The following THADA variants were observed in gnomAD, a reference collection of about 807,000 sequenced individuals.
The protein encoded by THADA is tRNA (32-2'-O)-methyltransferase regulator THADA.
Under a neutral mutation model 219.8 loss-of-function variants are expected in THADA, and 213 were observed. The ratio of observed to expected loss-of-function variants is 0.97; its 90% CI spans 0.87 to 1.09. The LOEUF (loss-of-function observed/expected upper bound fraction) is 1.09, where lower values mean the gene tolerates loss of function less well. Ranked by LOEUF, THADA falls within the 50% of genes least tolerant of loss-of-function variation. The pLI, the probability that THADA is intolerant of heterozygous loss-of-function variation, is 0.00. For synonymous variants in THADA, 1,018 were observed against 828.9 expected (o/e 1.23, Z -3.92); for missense variants, 2,956 against 2,311.3 (o/e 1.28, Z -5.72).
intron 26 of THADA, among the ~76,000 whole-genome samples, chr2:43,435,213 G>T (rs954375948): frequency 1.3e-5 from 2 of 152,184 alleles, no homozygotes; most frequent in Non-Finnish European, 2.9e-5. Context: ...CGAGCACTTT[G>T]GGAGGCCCAG....
chr2:43,243,760 A>T (rs2104079116), intron 36 of THADA, among the ~76,000 whole-genome samples: 1 of 152,242 alleles, frequency 6.6e-6, no homozygotes, highest in East Asian at 1.9e-4. Context: ...TTTTAAAACT[A>T]CTTGAGAGAA....
chr2:43,317,890 T>C (rs1678255882), intron 31 of THADA, among the ~76,000 whole-genome samples: 3 of 152,220 alleles, frequency 2.0e-5, no homozygotes, highest in Admixed American at 2.0e-4. Context: ...ACATTCTTCA[T>C]CATTAATAAT....
chr2:43,369,003 G>T (rs1670496954), intron 29 of THADA, among the ~76,000 whole-genome samples: 1 of 152,172 alleles, frequency 6.6e-6, no homozygotes, highest in African/African-American at 2.4e-5. Context: ...ATGTCATGAG[G>T]CCCAAGAGTT....
intron 26 of THADA, among the ~76,000 whole-genome samples, chr2:43,452,598 T>A (rs1682479622): frequency 6.6e-6 from 1 of 152,126 alleles, no homozygotes; most frequent in Non-Finnish European, 1.5e-5. Flanking sequence ...CCAAAGAAGT[T>A]CATGTGTCCC....
intron 26 of THADA, among the ~76,000 whole-genome samples, chr2:43,433,349 G>C (rs747500386): frequency 6.6e-6 from 1 of 152,076 alleles, no homozygotes; most frequent in Non-Finnish European, 1.5e-5. Context: ...GACCAACACG[G>C]AGAAACTGTC....
rs1686764384 is a variant in THADA at position 43,485,213 on chromosome 2, T to G, written c.3836+21A>C. On this transcript the variant is annotated intron_variant, in intron 26 of 37. Coordinates refer to ENST00000405975, the MANE Select transcript of THADA (RefSeq NM_022065.5). ...ATTGTATTTTTTAAAAAAAGTAAAG[T>G]TAGCCTTAAATGGAGCTTACCTATT... is the stretch of plus-strand genomic sequence containing the variant. The G allele has an allele frequency of 8.2e-6, 13 of 1,576,600 alleles. No individual in the cohort carries two copies. The Admixed American group carries it at 1.9e-4, about 23-fold the overall frequency.
rs972695325 is a variant in THADA at position 43,521,215 on chromosome 2, G to A, written c.3374+6664C>T. ...AGGAAAGAGGGAAGGAAAGAGGGCA[G>A]GAGGGCAGGCAGACAAGAAGGCAGG... On this transcript the variant is annotated intron_variant, in intron 22 of 37. Coordinates refer to ENST00000405975, the MANE Select transcript of THADA (RefSeq NM_022065.5). Among the ~76,000 whole-genome samples, 5 of 151,776 alleles carry A rather than the reference G, an allele frequency of 3.3e-5. No homozygotes were observed. In the South Asian group the frequency reaches 8.4e-4, roughly 25 times the overall value.
At chr2:43,515,204 TATAA>T (rs1691412498) in intron 22 of THADA, among the ~76,000 whole-genome samples, 2 of 69,574 alleles carry the variant, frequency 2.9e-5, no homozygotes, top group Non-Finnish European at 5.0e-5. Flanking sequence ...ATATATAATA[TATAA>T]TATATAATAT....
intron 36 of THADA, among the ~76,000 whole-genome samples, chr2:43,240,392 G>A (rs1246303426): frequency 2.0e-5 from 3 of 152,140 alleles, no homozygotes; most frequent in African/African-American, 4.8e-5. Flanking sequence ...CTCCATGGTC[G>A]TCTTCACTTC....
rs1008568344 is a variant in THADA at position 43,372,869 on chromosome 2, A to G, written c.4227+25102T>C. On this transcript the variant is annotated intron_variant, in intron 29 of 37. Transcript: ENST00000405975. Reference sequence around the variant, plus strand: ...GGTGTGCGCCACCACACCTTCGCTAATTTTTTGTATCTTTAGTAGAGACGA... The same window carrying G: ...GGTGTGCGCCACCACACCTTCGCTAGTTTTTTGTATCTTTAGTAGAGACGA... Among the ~76,000 whole-genome samples the G allele has an allele frequency of 2.6e-5, 4 of 152,052 alleles. 1 individual carries two copies. Among genetic ancestry groups the G allele is most frequent in the African/African-American group, 9.7e-5 (4 of 41,400 alleles).
chr2:43,425,024 A>G (rs1423850360), intron 28 of THADA, among the ~76,000 whole-genome samples: 1 of 152,190 alleles, frequency 6.6e-6, no homozygotes, highest in Non-Finnish European at 1.5e-5. Context: ...AGTTGCATAC[A>G]TTTCAGACCC....
chr2:43,432,346 C>T (rs1679467083), intron 26 of THADA, among the ~76,000 whole-genome samples: 1 of 152,098 alleles, frequency 6.6e-6, no homozygotes, highest in South Asian at 2.1e-4. Context: ...TGAAATTTAT[C>T]CATGTTATTC....
chr2:43,426,894 G>C (rs1678513011), intron 28 of THADA, among the ~76,000 whole-genome samples: 1 of 152,172 alleles, frequency 6.6e-6, no homozygotes, highest in African/African-American at 2.4e-5. Context: ...TAACTAATAT[G>C]ATAGGCTTCT....
intron 23 of THADA, among the ~76,000 whole-genome samples, chr2:43,508,370 G>A (rs1299077164): frequency 1.3e-5 from 2 of 152,060 alleles, no homozygotes; most frequent in Non-Finnish European, 2.9e-5. Context: ...CAATGACTGT[G>A]CCACAGTGAT....
chr2:43,562,411 A>T (rs1418335012), intron 15 of THADA: 2 of 151,830 alleles, frequency 1.3e-5, no homozygotes, highest in African/African-American at 4.8e-5. Flanking sequence ...CGCCCGGCTA[A>T]TTTTTTGTAT....
chr2:43,381,146 G>T (rs1280500970), intron 29 of THADA, among the ~76,000 whole-genome samples: 1 of 141,740 alleles, frequency 7.1e-6, no homozygotes, highest in Non-Finnish European at 1.5e-5. Flanking sequence ...CAAACTGAAA[G>T]GATGAAGGCA....
At chr2:43,291,247 C>T (rs901732884) in intron 34 of THADA, among the ~76,000 whole-genome samples, 11 of 151,322 alleles carry the variant, frequency 7.3e-5, no homozygotes, top group East Asian at 3.9e-4. Flanking sequence ...GTCAGGAGTT[C>T]GAGACCAGCC....
At chr2:43,483,927 T>C (rs4146253) in intron 26 of THADA, among the ~76,000 whole-genome samples, 32,061 of 151,918 alleles carry the variant, frequency 0.21, 3,522 homozygotes, top group South Asian at 0.29. Context: ...TTTTAAACTG[T>C]AGCACACTGG....
intron 30 of THADA, among the ~76,000 whole-genome samples, chr2:43,320,835 G>C (rs1308229271): frequency 6.6e-6 from 1 of 152,184 alleles, no homozygotes; most frequent in African/African-American, 2.4e-5. Flanking sequence ...TCCTATCTTA[G>C]TTAGTTGAAA....
Sources: gnomAD v4.1 joint callset for allele counts (sites outside exome capture counted in the v4.1 genomes callset) on GRCh38, gnomAD v4.1.1 for gene constraint, MANE v1.5 for transcripts, NCBI Gene and HGNC (gene_info 2026-07-23, HGNC 2026-07-21) for gene names.